KHDRBS3: variants seen among roughly 807,000 people sequenced by gnomAD.
KHDRBS3 encodes the protein KH RNA binding domain containing, signal transduction associated 3.
KHDRBS3 carries 23 observed loss-of-function variants against 45.6 expected under a neutral mutation model. That is an observed-to-expected ratio of 0.50 (90% CI 0.36 to 0.72). The LOEUF (loss-of-function observed/expected upper bound fraction) is 0.72, where lower values mean the gene tolerates loss of function less well. Ranked by LOEUF, KHDRBS3 falls within the 30% of genes least tolerant of loss-of-function variation. KHDRBS3 has a pLI of 0.00. For synonymous variants in KHDRBS3, 162 were observed against 156.5 expected, an observed-to-expected ratio of 1.04 and a Z score of -0.26; for missense variants, 352 against 424.8, an observed-to-expected ratio of 0.83 and a Z score of 1.51.
At chr8:135,539,771 AGGAAAAAGAAG>A (rs1334380336) in intron 2 of KHDRBS3, 1 of 152,216 alleles carries the variant, frequency 6.6e-6, no homozygotes, top group African/African-American at 2.4e-5. Context: ...CAGAGTTGAG[AGGAAAAAGAAG>A]GGAAAATAAA....
At chr8:135,629,771 G>A (rs963587679) in intron 7 of KHDRBS3, among the ~76,000 whole-genome samples, 11 of 152,212 alleles carry the variant, frequency 7.2e-5, no homozygotes, top group African/African-American at 2.7e-4. Context: ...CTAGAATACT[G>A]TAGGACTGTT....
intron 5 of KHDRBS3, among the ~76,000 whole-genome samples, chr8:135,560,184 G>GATAT (rs200828734): frequency 1.4e-4 from 22 of 151,792 alleles, no homozygotes; most frequent in African/African-American, 5.1e-4. Flanking sequence ...TATTTTTAGT[G>GATAT]ATATATATAT....
At chr8:135,598,024 T>C (rs1293681756) in intron 6 of KHDRBS3, among the ~76,000 whole-genome samples, 2 of 152,206 alleles carry the variant, frequency 1.3e-5, no homozygotes, top group Admixed American at 6.5e-5. Context: ...CTATGAATGA[T>C]TGACACAGAC....
intron 1 of KHDRBS3, among the ~76,000 whole-genome samples, chr8:135,512,240 G>A (rs776565400): frequency 6.6e-6 from 1 of 152,024 alleles, no homozygotes; most frequent in Non-Finnish European, 1.5e-5. Flanking sequence ...TAGAATTTAC[G>A]ATGGCTGTAA....
At chr8:135,654,519 G>A (rs989028168) in intron 4 of KHDRBS3, among the ~76,000 whole-genome samples, 1 of 152,154 alleles carries the variant, frequency 6.6e-6, no homozygotes, top group Non-Finnish European at 1.5e-5. Context: ...TTTATACACA[G>A]CATGGCGTCT....
In KHDRBS3 at chr8:135,529,912, G is replaced by A. The variant is rs575455365; in HGVS notation, c.207+8557G>A. On this transcript the variant is annotated intron_variant, in intron 2 of 8. Coordinates refer to ENST00000355849, the MANE Select transcript of KHDRBS3 (RefSeq NM_006558.3). Reference sequence around the variant, plus strand: ...AAATACAAAAAAAAATTAGCCAGGCGTGGTGGCGGGTGCCTGTAGTCCCAG... The same window carrying A: ...AAATACAAAAAAAAATTAGCCAGGCATGGTGGCGGGTGCCTGTAGTCCCAG... Among the ~76,000 whole-genome samples the A allele has an allele frequency of 3.6e-4, 54 of 152,084 alleles. 1 individual carries two copies. Among genetic ancestry groups the A allele is most frequent in the Middle Eastern group, 3.4e-3 (1 of 294 alleles).
chr8:135,651,121 C>G (rs894425495), downstream of KHDRBS3, among the ~76,000 whole-genome samples: 1 of 151,820 alleles, frequency 6.6e-6, no homozygotes, highest in African/African-American at 2.4e-5. Flanking sequence ...CAGAAGGGGC[C>G]CATGGAGATA....
chr8:135,602,718 C>T (rs56009788), intron 6 of KHDRBS3, among the ~76,000 whole-genome samples: 2,188 of 152,230 alleles, frequency 0.014, 41 homozygotes, highest in African/African-American at 0.049. Flanking sequence ...ACTGTGTGCA[C>T]GATACAGTGA....
chr8:135,465,241 A>C (rs1821636127), intron 1 of KHDRBS3, among the ~76,000 whole-genome samples: 1 of 152,160 alleles, frequency 6.6e-6, no homozygotes, highest in Non-Finnish European at 1.5e-5. Context: ...CCCATCTGTG[A>C]AATTGGGGAC....
chr8:135,494,223 T>C (rs1823300210), intron 1 of KHDRBS3, among the ~76,000 whole-genome samples: 1 of 151,602 alleles, frequency 6.6e-6, no homozygotes, highest in Non-Finnish European at 1.5e-5. Context: ...ATTTTGTACT[T>C]GTAATTTCTT....
intron 7 of KHDRBS3, among the ~76,000 whole-genome samples, chr8:135,628,392 C>T (rs1409029423): frequency 6.6e-6 from 1 of 152,150 alleles, no homozygotes; most frequent in East Asian, 1.9e-4. Flanking sequence ...TAATTTCATA[C>T]TAAGATTATT....
At chr8:135,528,455 A>G (rs1440918302) in intron 2 of KHDRBS3, among the ~76,000 whole-genome samples, 1 of 152,202 alleles carries the variant, frequency 6.6e-6, no homozygotes, top group Admixed American at 6.5e-5. Context: ...GATATGTTAA[A>G]TGTTGCCATT....
At chr8:135,581,304 A>C (rs957139405) in intron 5 of KHDRBS3, among the ~76,000 whole-genome samples, 9 of 152,240 alleles carry the variant, frequency 5.9e-5, no homozygotes, top group Non-Finnish European at 1.3e-4. Flanking sequence ...TTAGAAATAC[A>C]TGAATATGTT....
intron 1 of KHDRBS3, among the ~76,000 whole-genome samples, chr8:135,491,013 T>C (rs1302296626): frequency 3.3e-5 from 5 of 152,230 alleles, no homozygotes; most frequent in Admixed American, 3.3e-4. Context: ...GTCACAGACT[T>C]AGGTATCTGT....
chr8:135,496,092 G>T (rs1374865121), intron 1 of KHDRBS3, among the ~76,000 whole-genome samples: 1 of 148,714 alleles, frequency 6.7e-6, no homozygotes, highest in African/African-American at 2.5e-5. Context: ...TGAGCTGAGG[G>T]GTGCATTTAA....
chr8:135,621,733 A>G (rs768556795), intron 7 of KHDRBS3, among the ~76,000 whole-genome samples: 8 of 150,352 alleles, frequency 5.3e-5, no homozygotes, highest in African/African-American at 9.8e-5. Flanking sequence ...CAGTGGTCCT[A>G]TGAAGAGATT....
At chr8:135,458,579 C>T in intron 1 of KHDRBS3, 1 of 313,918 alleles carries the variant, frequency 3.2e-6, no homozygotes, top group Non-Finnish European at 6.2e-6. Context: ...CCTGGCGGGG[C>T]AGTCAGCCCT....
intron 1 of KHDRBS3, among the ~76,000 whole-genome samples, chr8:135,479,599 T>G (rs1341182865): frequency 6.6e-6 from 1 of 152,214 alleles, no homozygotes; most frequent in African/African-American, 2.4e-5. Context: ...ACCTTCTATG[T>G]GTCCTCACAT....
chr8:135,576,448 T>A (rs540019299), intron 5 of KHDRBS3, among the ~76,000 whole-genome samples: 1 of 152,338 alleles, frequency 6.6e-6, no homozygotes, highest in Non-Finnish European at 1.5e-5. Context: ...GATATTAATT[T>A]TATACATTGT....
Sources: allele counts gnomAD v4.1 joint callset (sites outside exome capture counted in the v4.1 genomes callset), GRCh38; gene constraint gnomAD v4.1.1; transcripts MANE v1.5; gene names NCBI Gene and HGNC (gene_info 2026-07-23, HGNC 2026-07-21).